Variants in AGAP1 observed in about 807,000 individuals in gnomAD.
AGAP1 encodes the protein ArfGAP with GTPase domain, ankyrin repeat and PH domain 1.
AGAP1 carries 29 observed loss-of-function variants against 105.3 expected under a neutral mutation model. That is an observed-to-expected ratio of 0.28 (90% CI 0.21 to 0.38). The LOEUF is 0.38. Ranked by LOEUF, AGAP1 falls within the 10% of genes least tolerant of loss-of-function variation. The pLI, the probability that AGAP1 is intolerant of heterozygous loss-of-function variation, is 1.00. For missense variants in AGAP1, 998 were observed against 1,165.1 expected, an observed-to-expected ratio of 0.86 and a Z score of 2.09; for synonymous variants, 509 against 485.9, an observed-to-expected ratio of 1.05 and a Z score of -0.63.
intron 12 of AGAP1, among the ~76,000 whole-genome samples, chr2:235,956,776 G>A (rs1003562052): frequency 2.6e-5 from 4 of 152,130 alleles, no homozygotes; most frequent in African/African-American, 9.7e-5. Flanking sequence ...CCTGGTAGGT[G>A]GCTGGAGGCC....
chr2:235,761,581 G>C lies in AGAP1; in HGVS notation c.673+11093G>C, dbSNP rs1355311128. On this transcript the variant is annotated intron_variant, in intron 6 of 17. Transcript: ENST00000304032. ...TGATGTATCATTAATGCATACAAAT[G>C]GCTTTTATTTTTGTTCATAATCTGT... 2.6e-5 allele frequency among the ~76,000 whole-genome samples: 4 copies of C among 152,054 alleles called. No individual in the cohort carries two copies. In the East Asian group the frequency reaches 7.7e-4, roughly 29 times the overall value.
At chr2:235,852,571 T>A in intron 9 of AGAP1, 1 of 1,013,108 alleles carries the variant, frequency 9.9e-7, no homozygotes, top group East Asian at 3.2e-5. Context: ...TATCTCTTAA[T>A]GAATAGAGAC....
chr2:235,681,170 A>G (rs1325128653), intron 1 of AGAP1, among the ~76,000 whole-genome samples: 1 of 151,948 alleles, frequency 6.6e-6, no homozygotes, highest in Non-Finnish European at 1.5e-5. Context: ...CACCATGCCC[A>G]GCTAATTTTT....
intron 13 of AGAP1, among the ~76,000 whole-genome samples, chr2:235,991,214 C>G (rs1026215970): frequency 6.6e-6 from 1 of 152,204 alleles, no homozygotes; most frequent in African/African-American, 2.4e-5. Flanking sequence ...TTTTATGTCT[C>G]AAGAATTATT....
rs1266340842 is a variant in AGAP1 at position 235,635,811 on chromosome 2, G to A, written c.164-73368G>A. ...GAGTAGGACAAATGTTTTCCTTTCC[G>A]TGCTTTAAAAGTCTCATCTTAGACC... On this transcript the variant is annotated intron_variant, in intron 1 of 17. Transcript: ENST00000304032. The surrounding 1 kb of genome is among the most constrained non-coding windows in gnomAD (Gnocchi z 5.3). Among the ~76,000 whole-genome samples, 4 of 152,038 alleles carry A rather than the reference G, an allele frequency of 2.6e-5. No individual in the cohort carries two copies. The highest frequency in any genetic ancestry group is 1.9e-4 in the East Asian group (1 of 5,190).
rs145817305 is a variant in AGAP1 at position 235,872,088 on chromosome 2, AT to A, written c.1051-11255del. Among the ~76,000 whole-genome samples, 2,131 of 152,228 alleles carry A rather than the reference AT, an allele frequency of 0.014. 54 individuals carry two copies. The highest frequency in any genetic ancestry group is 0.048 in the African/African-American group (2,000 of 41,518). ...AATATGCAGTTGTGAATACTGAGAGATTGGTATTCATACTCTTTGGAACCCA... is the reference window on the plus strand; with the variant it reads ...AATATGCAGTTGTGAATACTGAGAGATGGTATTCATACTCTTTGGAACCCA... On this transcript the variant is annotated intron_variant, in intron 9 of 17. Coordinates refer to ENST00000304032, the MANE Select transcript of AGAP1 (RefSeq NM_001037131.3). This position sits in a 1 kb window ranked among gnomAD's most constrained non-coding sequence, Gnocchi z 4.5.
At chr2:235,530,741 AT>A (rs1440198742) in intron 1 of AGAP1, among the ~76,000 whole-genome samples, 13 of 152,246 alleles carry the variant, frequency 8.5e-5, no homozygotes, top group African/African-American at 3.1e-4. Context: ...ATCTTGAATG[AT>A]TTCCCTGTCT....
Position 235,883,292 on chromosome 2 carries a change from T to A in AGAP1, c.1051-53T>A, listed in dbSNP as rs2050120671. The A allele has an allele frequency of 2.6e-6, 4 of 1,551,966 alleles. No individual in the cohort carries two copies. The highest frequency in any genetic ancestry group is 3.5e-6 in the Non-Finnish European group (4 of 1,127,108). On this transcript the variant is annotated intron_variant, in intron 9 of 17. Transcript: ENST00000304032. This position sits in a 1 kb window ranked among gnomAD's most constrained non-coding sequence, Gnocchi z 4.5. ...GTATATGTTGCCTGTGTACCTGCCTTTTCTTTTTTTTATTTACATTAGAAT... is the reference window on the plus strand; with the variant it reads ...GTATATGTTGCCTGTGTACCTGCCTATTCTTTTTTTTATTTACATTAGAAT...
chr2:235,514,530 T>G (rs1021662234), intron 1 of AGAP1, among the ~76,000 whole-genome samples: 3 of 152,208 alleles, frequency 2.0e-5, no homozygotes, highest in African/African-American at 7.2e-5. Flanking sequence ...GGCCACTTCC[T>G]CTGTCTGGGG....
intron 16 of AGAP1, among the ~76,000 whole-genome samples, chr2:236,070,349 T>C (rs2058464832): frequency 6.6e-6 from 1 of 152,242 alleles, no homozygotes. Context: ...TGAAGGACTC[T>C]TAGCAGCTGA....
chr2:236,114,102 C>T lies in AGAP1; in HGVS notation c.2115-6090C>T, dbSNP rs987339800. Among the ~76,000 whole-genome samples, 3 of 152,038 alleles carry T rather than the reference C, an allele frequency of 2.0e-5. No individual in the cohort carries two copies. The highest frequency in any genetic ancestry group is 2.9e-5 in the Non-Finnish European group (2 of 68,022). ...CCTCCTTTCTGCTGACGGCCGGCCG[C>T]GCCAATAATTCATTTTTTAGCTCAT... On this transcript the variant is annotated intron_variant, in intron 16 of 17. Transcript: ENST00000304032. The surrounding 1 kb of genome is among the most constrained non-coding windows in gnomAD (Gnocchi z 5.0).
chr2:235,778,549 C>T (rs61402262), intron 6 of AGAP1, among the ~76,000 whole-genome samples: 36,195 of 152,140 alleles, frequency 0.24, 4,924 homozygotes, highest in Admixed American at 0.39. Flanking sequence ...AGAGCTCCAG[C>T]TTCTGGCTTC....
intron 1 of AGAP1, among the ~76,000 whole-genome samples, chr2:235,707,472 A>ACCCCCCCCCCC (rs1250772330): frequency 1.7e-3 from 38 of 22,420 alleles, no homozygotes; most frequent in South Asian, 3.1e-3. Flanking sequence ...CCTCCCCATG[A>ACCCCCCCCCCC]CCCCCCCCCC....
At chr2:235,592,708 C>T (rs1334167007) in intron 1 of AGAP1, among the ~76,000 whole-genome samples, 1 of 152,066 alleles carries the variant, frequency 6.6e-6, no homozygotes, top group Non-Finnish European at 1.5e-5. Context: ...GAGATATGGG[C>T]GCATCTTAGT....
chr2:236,024,477 C>T (rs573807310), intron 13 of AGAP1, among the ~76,000 whole-genome samples: 15 of 152,218 alleles, frequency 9.9e-5, no homozygotes, highest in African/African-American at 3.6e-4. Flanking sequence ...TGCCTCCCTC[C>T]TTCCCTCCCC....
chr2:235,676,885 G>A (rs752355621), intron 1 of AGAP1, among the ~76,000 whole-genome samples: 2 of 152,192 alleles, frequency 1.3e-5, no homozygotes, highest in Non-Finnish European at 2.9e-5. Flanking sequence ...CACTCATGTC[G>A]CCAGGTGATT....
At chr2:236,097,191 C>T (rs2059211459) in intron 16 of AGAP1, among the ~76,000 whole-genome samples, 1 of 151,884 alleles carries the variant, frequency 6.6e-6, no homozygotes, top group Admixed American at 6.6e-5. Context: ...GATTATGATC[C>T]AAACCCATGA....
intron 9 of AGAP1, among the ~76,000 whole-genome samples, chr2:235,811,946 G>A (rs917107936): frequency 6.6e-6 from 1 of 152,204 alleles, no homozygotes; most frequent in African/African-American, 2.4e-5. Flanking sequence ...GCAAAGACGT[G>A]TGCATCAGGA....
chr2:236,018,738 G>T (rs1175071070), intron 13 of AGAP1, among the ~76,000 whole-genome samples: 1 of 152,206 alleles, frequency 6.6e-6, no homozygotes, highest in Non-Finnish European at 1.5e-5. Context: ...GTGTTAGCCA[G>T]ATTCAGTACT....
Sources: gnomAD v4.1 joint callset for allele counts (sites outside exome capture counted in the v4.1 genomes callset) on GRCh38, gnomAD v4.1.1 for gene constraint, Gnocchi (gnomAD v3.1) non-coding constraint, MANE v1.5 for transcripts, NCBI Gene and HGNC (gene_info 2026-07-23, HGNC 2026-07-21) for gene names.